The following GALNT13 variants were observed in gnomAD, a reference collection of about 807,000 sequenced individuals.
GALNT13 encodes the protein UDP-GalNAc:polypeptide N-acetylgalactosaminyltransferase 13.
A neutral mutation model predicts 64.2 loss-of-function variants in GALNT13; 28 were observed. The ratio of observed to expected loss-of-function variants is 0.44; its 90% CI spans 0.32 to 0.60. GALNT13 has a LOEUF of 0.60. Among genes scored for constraint, GALNT13 ranks in the 20% least tolerant of loss-of-function variants. The pLI is 0.05. For synonymous variants in GALNT13, 214 were observed against 224.6 expected (o/e 0.95, Z 0.42); for missense variants, 577 against 669.8 (o/e 0.86, Z 1.53).
the GALNT13 span, among the ~76,000 whole-genome samples, chr2:153,086,326 A>G: frequency 1.3e-5 from 2 of 152,120 alleles, no homozygotes; most frequent in African/African-American, 4.8e-5. Context: ...AAGACATGAG[A>G]TTTGGGAGGG....
rs561206357 is a variant in GALNT13 at position 153,970,570 on chromosome 2, A to G, written c.142+25931A>G. On this transcript the variant is annotated intron_variant, in intron 3 of 12. Transcript: ENST00000392825. ...GCCTTATCATAAATTTATCACTTCA[A>G]ACTTTACATAGCCATGTTATACTCC... Among the ~76,000 whole-genome samples the G allele has an allele frequency of 7.0e-4, 106 of 152,236 alleles. 1 individual carries two copies. Among genetic ancestry groups the G allele is most frequent in the Admixed American group, 1.8e-3 (28 of 15,274 alleles).
chr2:153,673,951 A>G, the GALNT13 span, among the ~76,000 whole-genome samples: 2 of 152,322 alleles, frequency 1.3e-5, no homozygotes, highest in South Asian at 2.1e-4. Flanking sequence ...CCCATTCACA[A>G]TTACTACAAA....
intron 9 of GALNT13, among the ~76,000 whole-genome samples, chr2:154,316,378 C>A (rs2105146383): frequency 6.6e-6 from 1 of 152,142 alleles, no homozygotes; most frequent in East Asian, 1.9e-4. Context: ...TTAGAAAATT[C>A]TGTCATTTTA....
the GALNT13 span, among the ~76,000 whole-genome samples, chr2:153,663,966 C>T: frequency 0.29 from 44,615 of 151,804 alleles, 7,079 homozygotes; most frequent in Admixed American, 0.41. Flanking sequence ...GGAGGGGGTA[C>T]GAATAGAGAG....
chr2:153,947,899 G>A (rs1691886267), intron 3 of GALNT13, among the ~76,000 whole-genome samples: 1 of 152,038 alleles, frequency 6.6e-6, no homozygotes. Flanking sequence ...TTCTGCATAT[G>A]CCTAGCCAGT....
At chr2:153,844,944 T>A in the GALNT13 span, among the ~76,000 whole-genome samples, 1 of 152,206 alleles carries the variant, frequency 6.6e-6, no homozygotes, top group Admixed American at 6.5e-5. Context: ...AATAAGTTCC[T>A]CATTTCTATC....
the GALNT13 span, among the ~76,000 whole-genome samples, chr2:153,858,714 T>C: frequency 6.6e-6 from 1 of 152,046 alleles, no homozygotes; most frequent in Non-Finnish European, 1.5e-5. Flanking sequence ...AGTTTATAGG[T>C]TTTTTTATTT....
chr2:153,953,152 A>G (rs1692317899), intron 3 of GALNT13, among the ~76,000 whole-genome samples: 1 of 152,094 alleles, frequency 6.6e-6, no homozygotes, highest in Non-Finnish European at 1.5e-5. Flanking sequence ...CTCAATATTA[A>G]CTGTCACATG....
intron 3 of GALNT13, among the ~76,000 whole-genome samples, chr2:154,066,903 C>T (rs909472788): frequency 5.9e-5 from 9 of 151,772 alleles, no homozygotes; most frequent in Admixed American, 3.9e-4. Flanking sequence ...AAAAATAAAT[C>T]GGTCAAAAGT....
the GALNT13 span, among the ~76,000 whole-genome samples, chr2:153,836,227 T>C: frequency 6.6e-6 from 1 of 152,106 alleles, no homozygotes; most frequent in Middle Eastern, 3.2e-3. Flanking sequence ...TGTATATATT[T>C]AAAGTGCACA....
the GALNT13 span, among the ~76,000 whole-genome samples, chr2:153,721,288 C>T: frequency 6.8e-6 from 1 of 147,240 alleles, no homozygotes; most frequent in Non-Finnish European, 1.5e-5. Context: ...ACCAGGCCTG[C>T]CCTAAAAGAG....
intron 4 of GALNT13, among the ~76,000 whole-genome samples, chr2:154,200,651 G>A (rs1687123556): frequency 6.6e-6 from 1 of 152,216 alleles, no homozygotes; most frequent in South Asian, 2.1e-4. Context: ...AAGGTAGAAG[G>A]GCAAGAGGGC....
At chr2:153,262,891 A>C in the GALNT13 span, among the ~76,000 whole-genome samples, 1 of 152,174 alleles carries the variant, frequency 6.6e-6, no homozygotes, top group Non-Finnish European at 1.5e-5. Flanking sequence ...AAACTGGCAC[A>C]AGACAAGAAT....
the GALNT13 span, among the ~76,000 whole-genome samples, chr2:153,501,385 G>C: frequency 6.6e-6 from 1 of 152,146 alleles, no homozygotes; most frequent in East Asian, 1.9e-4. Flanking sequence ...AGGCTGGAGT[G>C]CAGTGGCACA....
chr2:153,143,492 T>C, the GALNT13 span, among the ~76,000 whole-genome samples: 1 of 151,984 alleles, frequency 6.6e-6, no homozygotes, highest in Non-Finnish European at 1.5e-5. Context: ...ACTGTGGTGC[T>C]GTAGTCTCAG....
At chr2:153,685,142 G>A in the GALNT13 span, among the ~76,000 whole-genome samples, 1 of 151,898 alleles carries the variant, frequency 6.6e-6, no homozygotes, top group Non-Finnish European at 1.5e-5. Context: ...CTTTATAGTA[G>A]AATGATTTAT....
chr2:153,316,639 C>CAAAAAAAAAAAAAAAAAAAAAA, the GALNT13 span, among the ~76,000 whole-genome samples: 6 of 69,850 alleles, frequency 8.6e-5, no homozygotes, highest in East Asian at 4.9e-4. Flanking sequence ...GACTCCGTCT[C>CAAAAAAAAAAAAAAAAAAAAAA]AAAAAAAAAA....
At chr2:153,443,120 C>T in the GALNT13 span, among the ~76,000 whole-genome samples, 1 of 152,142 alleles carries the variant, frequency 6.6e-6, no homozygotes, top group East Asian at 1.9e-4. Context: ...GCATCTAGCT[C>T]GGTATCTGTC....
intron 4 of GALNT13, among the ~76,000 whole-genome samples, chr2:154,159,663 T>C (rs1354181252): frequency 6.6e-6 from 1 of 152,112 alleles, no homozygotes; most frequent in Non-Finnish European, 1.5e-5. Context: ...TGGGATGAGT[T>C]AGTGTTTTTT....
Sources: gnomAD v4.1 joint callset for allele counts (sites outside exome capture counted in the v4.1 genomes callset) on GRCh38, gnomAD v4.1.1 for gene constraint, MANE v1.5 for transcripts, NCBI Gene and HGNC (gene_info 2026-07-23, HGNC 2026-07-21) for gene names.